Variants in IMPA1 observed in about 807,000 individuals in gnomAD.
The protein encoded by IMPA1 is D-galactose 1-phosphate phosphatase.
In IMPA1, 21 loss-of-function variants were observed where a neutral mutation model predicts 34.9. The observed-to-expected ratio is 0.60, with a 90% CI of 0.43 to 0.87. IMPA1 has a LOEUF of 0.87. Among genes scored for constraint, IMPA1 ranks in the 40% least tolerant of loss-of-function variants. The probability of loss-of-function intolerance (pLI) is 0.00; values close to 1 mark genes in which losing one functional copy is unlikely to be tolerated. For synonymous variants in IMPA1, 95 were observed against 104.4 expected, an observed-to-expected ratio of 0.91 and a Z score of 0.55; for missense variants, 299 against 336.4, an observed-to-expected ratio of 0.89 and a Z score of 0.87.
At chr8:81,664,356 T>C (rs1245471816) in intron 7 of IMPA1, among the ~76,000 whole-genome samples, 1 of 152,096 alleles carries the variant, frequency 6.6e-6, no homozygotes, top group African/African-American at 2.4e-5. Context: ...AAACTACCTC[T>C]AAGTAGAAGA....
intron 1 of IMPA1, 131 bp from the exon 2 acceptor site, chr8:81,681,715 T>G: frequency 6.6e-6 from 4 of 602,818 alleles, no homozygotes; most frequent in Non-Finnish European, 1.2e-5. Context: ...CCAAGATTTA[T>G]GCCTATACCC....
In IMPA1 at chr8:81,659,074, A is replaced by C. The variant is rs1207221044; in HGVS notation, c.*277T>G. The C allele has an allele frequency of 2.6e-6, 1 of 388,090 alleles. No individual in the cohort carries two copies. Among genetic ancestry groups the C allele is most frequent in the East Asian group, 6.0e-5 (1 of 16,656 alleles). 24.0% of individuals were successfully genotyped at this position (388,090 alleles called of 1,614,324 possible). On this transcript the variant is annotated 3_prime_UTR_variant, in exon 9 of 9. Coordinates refer to ENST00000256108, the MANE Select transcript of IMPA1 (RefSeq NM_005536.4). ...AGATATTTAGAAACACAAAATTGCT[A>C]ATTGACTATTTCAGTTGATGTTATA...
At position 81,684,747 on chromosome 8, in the gene IMPA1, A is replaced by G. The variant is rs1312739425; in HGVS notation, c.-25+1505T>C. On this transcript the variant is annotated intron_variant, in intron 1 of 8. Transcript: ENST00000256108. ...ACTATGTGGAGTATATATACTACAC[A>G]TAAGTATATTTAGATACTATGTGGA... is the stretch of plus-strand genomic sequence containing the variant. 6.3e-5 allele frequency among the ~76,000 whole-genome samples: 9 copies of G among 143,892 alleles called. No homozygotes were observed. The East Asian group carries it at 1.3e-3, about 20-fold the overall frequency. The allele number at this position is 143,892 out of a possible 152,430, so 94.4% of individuals were successfully genotyped here. A position where few individuals can be genotyped will look rare whatever the true frequency, so the allele number is the denominator to read the frequency against.
intron 1 of IMPA1, chr8:81,685,974 T>C: frequency 1.2e-5 from 17 of 1,474,394 alleles, no homozygotes; most frequent in Non-Finnish European, 1.5e-5. Flanking sequence ...CTTTTCGGAG[T>C]TGGGGACATA....
intron 1 of IMPA1, among the ~76,000 whole-genome samples, chr8:81,684,108 T>C (rs1445548016): frequency 6.8e-6 from 1 of 147,486 alleles, no homozygotes; most frequent in Non-Finnish European, 1.5e-5. Flanking sequence ...TATATATATA[T>C]ATATATACAC....
At chr8:81,661,777 A>T (rs1806681715) in intron 7 of IMPA1, among the ~76,000 whole-genome samples, 1 of 152,214 alleles carries the variant, frequency 6.6e-6, no homozygotes, top group African/African-American at 2.4e-5. Flanking sequence ...ATGTTAGACA[A>T]TGTCCCTTTT....
chr8:81,680,248 G>A (rs561097857), intron 3 of IMPA1, among the ~76,000 whole-genome samples: 11 of 152,196 alleles, frequency 7.2e-5, no homozygotes, highest in Middle Eastern at 3.4e-3. Flanking sequence ...CCAATAAAGC[G>A]TAAGTGACAG....
rs146624224 is a variant in IMPA1 at position 81,659,430 on chromosome 8, G to A, written c.755C>T (p.Ala252Val). The part of the protein sequence containing the change: ...PFDLMSRRVI[A>V]ANNRILAERI... ...TTCTGCTAATATTCTATTATTTGCA[G>A]CAATTACTCTTCGTGACATCAAATC... The change falls in exon 9 of 9, where the codon GCT becomes GTT. Residue 252 changes from alanine to valine, a missense_variant. Ala to Val is a moderately conservative substitution (Grantham distance 64). Transcript: ENST00000256108. The A allele has an allele frequency of 1.6e-5, 25 of 1,610,816 alleles. No homozygotes were observed. Among genetic ancestry groups the A allele is most frequent in the Non-Finnish European group, 2.0e-5 (24 of 1,177,560 alleles).
intron 3 of IMPA1, among the ~76,000 whole-genome samples, chr8:81,679,681 C>T (rs1807236128): frequency 6.6e-6 from 1 of 151,446 alleles, no homozygotes; most frequent in Non-Finnish European, 1.5e-5. Flanking sequence ...CTTCTTCCTT[C>T]AGGTAAAGAC....
chr8:81,679,281 T>C, intron 3 of IMPA1, 51 bp from the exon 4 acceptor site: 1 of 1,185,902 alleles, frequency 8.4e-7, no homozygotes, highest in Non-Finnish European at 1.3e-6. Context: ...TTTCAACAAT[T>C]TCCAAATCAT....
At chr8:81,674,200 G>C in intron 5 of IMPA1, 1 of 366,844 alleles carries the variant, frequency 2.7e-6, no homozygotes, top group Non-Finnish European at 4.9e-6. Context: ...CTCCTGCTTC[G>C]GAAGACAGGG....
chr8:81,669,668 T>G (rs1353459489), intron 7 of IMPA1, among the ~76,000 whole-genome samples: 3 of 152,180 alleles, frequency 2.0e-5, no homozygotes, highest in Non-Finnish European at 4.4e-5. Context: ...AACTTTTAAG[T>G]TCATGATAGA....
At chr8:81,684,282 T>C (rs1807400918) in intron 1 of IMPA1, among the ~76,000 whole-genome samples, 1 of 144,376 alleles carries the variant, frequency 6.9e-6, no homozygotes, top group East Asian at 2.0e-4. Context: ...CATACATAAG[T>C]ATATTTAGAT....
intron 6 of IMPA1, among the ~76,000 whole-genome samples, chr8:81,672,204 T>C (rs1331807717): frequency 6.6e-6 from 1 of 152,238 alleles, no homozygotes; most frequent in Non-Finnish European, 1.5e-5. Flanking sequence ...CTTGCTGCAC[T>C]GAAAAGAATT....
At chr8:81,677,372 G>C (rs1349719974) in intron 4 of IMPA1, among the ~76,000 whole-genome samples, 1 of 152,220 alleles carries the variant, frequency 6.6e-6, no homozygotes, top group Admixed American at 6.5e-5. Flanking sequence ...TGGGATTACA[G>C]GCATGAGCCA....
chr8:81,666,070 G>A (rs954130234), intron 7 of IMPA1, among the ~76,000 whole-genome samples: 12 of 152,214 alleles, frequency 7.9e-5, no homozygotes, highest in African/African-American at 2.9e-4. Context: ...ATGGGTTGAA[G>A]AATATGTAAA....
At position 81,659,969 on chromosome 8, in the gene IMPA1, CCATT is replaced by C. The variant is rs574346469; in HGVS notation, c.719-507_719-504del. On this transcript the variant is annotated intron_variant, in intron 8 of 8. Coordinates refer to ENST00000256108, the MANE Select transcript of IMPA1 (RefSeq NM_005536.4). ...CCATCATCAACTATCACCATTGTCA[CCATT>C]CAAAGAGCTCTGGGTATAAGCCTCA... Among the ~76,000 whole-genome samples, 100 of 152,054 alleles carry C rather than the reference CCATT, an allele frequency of 6.6e-4. No homozygotes were observed. In the South Asian group the frequency reaches 0.018, roughly 27 times the overall value.
intron 7 of IMPA1, among the ~76,000 whole-genome samples, chr8:81,668,469 T>C (rs1806896843): frequency 6.6e-6 from 1 of 152,054 alleles, no homozygotes; most frequent in Non-Finnish European, 1.5e-5. Flanking sequence ...GATGCAAACC[T>C]GTGGTCACAG....
chr8:81,675,438 C>T (rs1347939955), intron 5 of IMPA1, among the ~76,000 whole-genome samples: 1 of 152,142 alleles, frequency 6.6e-6, no homozygotes. Context: ...ACACATCTAA[C>T]TTTGTGCTGA....
Sources: gnomAD v4.1 joint callset for allele counts (sites outside exome capture counted in the v4.1 genomes callset) on GRCh38, gnomAD v4.1.1 for gene constraint, MANE v1.5 for transcripts, NCBI Gene and HGNC (gene_info 2026-07-23, HGNC 2026-07-21) for gene names.